The following UGT2B7 variants were observed in gnomAD, a reference collection of about 807,000 sequenced individuals.
The protein encoded by UGT2B7 is UDP-glucuronosyltransferase 2B7.
Under a neutral mutation model 51.9 loss-of-function variants are expected in UGT2B7, and 51 were observed. That is an observed-to-expected ratio of 0.98 (90% CI 0.78 to 1.24). The LOEUF (loss-of-function observed/expected upper bound fraction) is 1.24. UGT2B7 is among the 50% of genes most tolerant of loss of function. UGT2B7 has a pLI of 0.00. For synonymous variants in UGT2B7, 225 were observed against 211.6 expected (o/e 1.06, Z -0.55); for missense variants, 727 against 628.4 (o/e 1.16, Z -1.68).
chr4:69,063,177 G>A (rs1384716069), intron 1 of UGT2B7, among the ~76,000 whole-genome samples: 2 of 150,906 alleles, frequency 1.3e-5, no homozygotes, highest in Non-Finnish European at 2.9e-5. Flanking sequence ...AAATTAGCCG[G>A]GCGTAGTGGC....
chr4:69,064,350 T>C (rs932123525), intron 1 of UGT2B7, among the ~76,000 whole-genome samples: 3 of 152,224 alleles, frequency 2.0e-5, no homozygotes, highest in Non-Finnish European at 4.4e-5. Context: ...ATGGTATGAC[T>C]TTATAGATTC....
chr4:69,056,041 C>A (rs1359512993), intron 1 of UGT2B7, among the ~76,000 whole-genome samples: 1 of 151,672 alleles, frequency 6.6e-6, no homozygotes, highest in Non-Finnish European at 1.5e-5. Context: ...AGACACAGAG[C>A]TTATGCTAAG....
intron 1 of UGT2B7, among the ~76,000 whole-genome samples, chr4:69,081,665 G>A (rs1718840810): frequency 6.6e-6 from 1 of 151,908 alleles, no homozygotes; most frequent in Non-Finnish European, 1.5e-5. Flanking sequence ...GTTTCCTTTA[G>A]CCACTCTGTC....
intron 1 of UGT2B7, among the ~76,000 whole-genome samples, chr4:69,056,982 C>A (rs547417646): frequency 1.3e-5 from 2 of 152,292 alleles, no homozygotes; most frequent in South Asian, 4.2e-4. Flanking sequence ...AAAACCAGCC[C>A]TGGGCCTGCC....
chr4:69,090,429 C>A (rs1719061086), intron 2 of UGT2B7, among the ~76,000 whole-genome samples: 1 of 151,824 alleles, frequency 6.6e-6, no homozygotes, highest in Non-Finnish European at 1.5e-5. Flanking sequence ...CAAAATTCAA[C>A]ATTGAACATA....
chr4:69,052,120 T>C (rs1718034942), intron 1 of UGT2B7, among the ~76,000 whole-genome samples: 1 of 151,950 alleles, frequency 6.6e-6, no homozygotes, highest in Non-Finnish European at 1.5e-5. Flanking sequence ...TTGTGTGAAA[T>C]AGACTGGCCA....
chr4:69,088,650 AACTGGTCAG>A (rs1719017712), intron 1 of UGT2B7, among the ~76,000 whole-genome samples: 2 of 152,118 alleles, frequency 1.3e-5, no homozygotes, highest in African/African-American at 4.8e-5. Flanking sequence ...AGTGTTATGG[AACTGGTCAG>A]ACTCCTCAGC....
chr4:69,055,012 C>T (rs1403625190), intron 1 of UGT2B7, among the ~76,000 whole-genome samples: 1 of 147,982 alleles, frequency 6.8e-6, no homozygotes. Flanking sequence ...CAGGAAGTGA[C>T]CAGCCTGATG....
At chr4:69,064,086 A>G (rs1397944512) in intron 1 of UGT2B7, among the ~76,000 whole-genome samples, 1,421 of 102,468 alleles carry the variant, frequency 0.014, 60 homozygotes, top group African/African-American at 0.054. Flanking sequence ...GAAAGAAAGA[A>G]AGAAAGAAAG....
At chr4:69,071,490 C>T (rs1718600020) in intron 1 of UGT2B7, among the ~76,000 whole-genome samples, 1 of 152,056 alleles carries the variant, frequency 6.6e-6, no homozygotes, top group Non-Finnish European at 1.5e-5. Context: ...AGCCTTTGGA[C>T]TCAGAACAAG....
exon 2 of UGT2B7, chr4:69,089,492 G>C (rs1408152686): frequency 1.3e-5 from 2 of 151,586 alleles, no homozygotes; most frequent in Non-Finnish European, 2.9e-5. Flanking sequence ...CATTTGTCCA[G>C]ATCTCTGGCA....
intron 5 of UGT2B7, among the ~76,000 whole-genome samples, chr4:69,110,414 T>C (rs1432745702): frequency 6.6e-6 from 1 of 152,134 alleles, no homozygotes; most frequent in Non-Finnish European, 1.5e-5. Context: ...ATCTCAACAA[T>C]TCTACTCCCA....
intron 5 of UGT2B7, among the ~76,000 whole-genome samples, chr4:69,110,921 A>G (rs1388958568): frequency 6.6e-6 from 1 of 152,206 alleles, no homozygotes. Flanking sequence ...TATGAGATAT[A>G]TAATGCATTT....
intron 1 of UGT2B7, among the ~76,000 whole-genome samples, chr4:69,087,849 C>A (rs902043670): frequency 6.6e-6 from 1 of 151,600 alleles, no homozygotes; most frequent in South Asian, 2.1e-4. Flanking sequence ...TGGTATAAAC[C>A]TTTTCTTATA....
intron 1 of UGT2B7, among the ~76,000 whole-genome samples, chr4:69,076,711 A>T (rs913406093): frequency 1.2e-4 from 19 of 152,204 alleles, no homozygotes; most frequent in Admixed American, 8.5e-4. Flanking sequence ...AGATTAAAAA[A>T]ATTTTTCCCA....
chr4:69,059,509 C>A (rs190857544), intron 1 of UGT2B7, among the ~76,000 whole-genome samples: 4 of 152,254 alleles, frequency 2.6e-5, no homozygotes, highest in Non-Finnish European at 5.9e-5. Context: ...AGAATAGAGG[C>A]TATATGCAAA....
At chr4:69,092,409 T>C (rs1719105008), upstream of UGT2B7, among the ~76,000 whole-genome samples, 1 of 152,054 alleles carries the variant, frequency 6.6e-6, no homozygotes, top group African/African-American at 2.4e-5. Flanking sequence ...AGAGTAATGG[T>C]TTACTGACCC....
chr4:69,055,583 C>T (rs777421113), intron 1 of UGT2B7, among the ~76,000 whole-genome samples: 1 of 152,122 alleles, frequency 6.6e-6, no homozygotes, highest in East Asian at 1.9e-4. Context: ...TGCCAGTACC[C>T]GAGATTCCAG....
At position 69,098,522 on chromosome 4, in the gene UGT2B7, T is replaced by C; in HGVS notation, c.722-18T>C. ...ATTATCTTGTGTCATCCACCTTTTT[T>C]TTTTCTATTCCTGTCAGGAAGACCC... On this transcript the variant is annotated intron_variant, in intron 1 of 5. Transcript: ENST00000305231. 6.3e-7 allele frequency: 1 copy of C among 1,585,460 alleles called. No individual in the cohort carries two copies. Among genetic ancestry groups the C allele is most frequent in the Non-Finnish European group, 8.5e-7 (1 of 1,172,738 alleles).
Sources: allele counts gnomAD v4.1 joint callset (sites outside exome capture counted in the v4.1 genomes callset), GRCh38; gene constraint gnomAD v4.1.1; transcripts MANE v1.5; gene names NCBI Gene and HGNC (gene_info 2026-07-23, HGNC 2026-07-21).